EHMT1: variants seen among roughly 807,000 people sequenced by gnomAD.
The protein encoded by EHMT1 is euchromatic histone lysine methyltransferase 1.
Under a neutral mutation model 147.2 loss-of-function variants are expected in EHMT1, and 15 were observed. That is an observed-to-expected ratio of 0.10 (90% CI 0.07 to 0.16). The LOEUF (loss-of-function observed/expected upper bound fraction) is 0.16, where lower values mean the gene tolerates loss of function less well. Ranked by LOEUF, EHMT1 falls within the 10% of genes least tolerant of loss-of-function variation. The pLI, the probability that EHMT1 is intolerant of heterozygous loss-of-function variation, is 1.00. For synonymous variants in EHMT1, 795 were observed against 709.6 expected (o/e 1.12, Z -1.91); for missense variants, 1,587 against 1,772.4 (o/e 0.90, Z 1.88).
At chr9:137,769,549 A>G (rs537907045) in intron 10 of EHMT1, among the ~76,000 whole-genome samples, 1 of 151,944 alleles carries the variant, frequency 6.6e-6, no homozygotes, top group African/African-American at 2.4e-5. Flanking sequence ...GCCCTTAAAG[A>G]GGTTACTCGA....
chr9:137,729,412 C>T (rs1422161412), intron 4 of EHMT1, among the ~76,000 whole-genome samples: 1 of 152,068 alleles, frequency 6.6e-6, no homozygotes, highest in African/African-American at 2.4e-5. Context: ...CACGGTGAAA[C>T]CCCGTCTATA....
At position 137,834,847 on chromosome 9, in the gene EHMT1, G is replaced by A. The variant is rs545700329; in HGVS notation, c.3791G>A (p.Arg1264Gln). Residue 1264 changes from arginine (R) to glutamine (Q), a missense_variant, in exon 27 of 27, where the codon CGG (arginine) becomes CAG (glutamine). By Grantham distance (43) the Arg-to-Gln change is conservative. This residue lies in a region of EHMT1 where 141 missense variants were observed against 150.8 expected (regional missense o/e 0.94). Coordinates refer to ENST00000460843, the MANE Select transcript of EHMT1 (RefSeq NM_024757.5). ...FSCRCGSPKC[R>Q]HSSAALAQRQ... Reference sequence around the variant, plus strand: ...TGCCGCTGCGGCTCCCCCAAGTGCCGGCACTCGAGCGCGGCCCTGGCCCAG... The same window carrying A: ...TGCCGCTGCGGCTCCCCCAAGTGCCAGCACTCGAGCGCGGCCCTGGCCCAG... 41 of 1,612,308 alleles carry A rather than the reference G, an allele frequency of 2.5e-5. No individual in the cohort carries two copies. The South Asian group carries it at 3.0e-4, about 12-fold the overall frequency.
At chr9:137,714,679 A>G (rs990867462) in intron 2 of EHMT1, among the ~76,000 whole-genome samples, 13 of 150,540 alleles carry the variant, frequency 8.6e-5, no homozygotes. Context: ...CAGCCTCCTG[A>G]GTATCTGGGA....
chr9:137,684,939 C>T (rs1942298253), intron 1 of EHMT1, among the ~76,000 whole-genome samples: 1 of 152,124 alleles, frequency 6.6e-6, no homozygotes, highest in South Asian at 2.1e-4. Context: ...ACTGCATATA[C>T]ATTGTATTTT....
At chr9:137,777,073 G>A (rs1191120026) in intron 12 of EHMT1, 14 of 519,824 alleles carry the variant, frequency 2.7e-5, no homozygotes, top group African/African-American at 1.3e-4. Flanking sequence ...GTTTTGAACC[G>A]GTTTTCACAG....
intron 1 of EHMT1, among the ~76,000 whole-genome samples, chr9:137,705,527 G>A (rs922867360): frequency 1.3e-5 from 2 of 152,206 alleles, no homozygotes; most frequent in African/African-American, 4.8e-5. Context: ...CTTACCCACC[G>A]TCCTGGTGTG....
rs1588289833 is a variant in EHMT1 at position 137,710,986 on chromosome 9, A to G, written c.41A>G (p.Glu14Gly). ...ADAEAVPARG[E>G]PQQDCCVKTE... Reference sequence around the variant, plus strand: ...TAACAGGCAGTTCCGGCGAGGGGGGAGCCTCAGCAGGATTGCTGTGTGAAA... The same window carrying G: ...TAACAGGCAGTTCCGGCGAGGGGGGGGCCTCAGCAGGATTGCTGTGTGAAA... Residue 14 changes from glutamate to glycine, a missense_variant, in exon 2 of 27, where the codon GAG becomes GGG. Glu to Gly is a moderately conservative substitution (Grantham distance 98, BLOSUM62 -2). This residue lies in a region of EHMT1 where 810 missense variants were observed against 673.0 expected (regional missense o/e 1.20). Coordinates refer to ENST00000460843, the MANE Select transcript of EHMT1 (RefSeq NM_024757.5). 6.3e-7 allele frequency: 1 copy of G among 1,597,594 alleles called. No homozygotes were observed. Among genetic ancestry groups the G allele is most frequent in the South Asian group, 1.1e-5 (1 of 87,754 alleles).
intron 1 of EHMT1, among the ~76,000 whole-genome samples, chr9:137,691,334 T>A (rs990501284): frequency 6.7e-6 from 1 of 149,456 alleles, no homozygotes; most frequent in Non-Finnish European, 1.5e-5. Flanking sequence ...TAAAATATAT[T>A]TTTTTTTCTT....
chr9:137,788,332 G>A (rs61746521), intron 15 of EHMT1: 4,312 of 381,348 alleles, frequency 0.011, 179 homozygotes, highest in African/African-American at 0.079. Flanking sequence ...AGGGGGCCCA[G>A]GACGTTGGCG....
chr9:137,714,595 C>T (rs938574687), intron 2 of EHMT1, among the ~76,000 whole-genome samples: 4 of 147,866 alleles, frequency 2.7e-5, no homozygotes, highest in Admixed American at 6.8e-5. Context: ...ACCTGTCACC[C>T]AGGCTGGAGT....
intron 16 of EHMT1, among the ~76,000 whole-genome samples, chr9:137,795,421 A>T (rs867264870): frequency 7.2e-4 from 48 of 67,088 alleles, no homozygotes; most frequent in African/African-American, 2.3e-3. Context: ...ACACACACAC[A>T]CACACACTCT....
intron 18 of EHMT1, among the ~76,000 whole-genome samples, chr9:137,804,133 T>A (rs987260172): frequency 3.9e-5 from 6 of 152,142 alleles, no homozygotes; most frequent in Admixed American, 6.5e-5. Context: ...CTCACTCACA[T>A]GAGAACAGCA....
intron 1 of EHMT1, among the ~76,000 whole-genome samples, chr9:137,632,803 A>G (rs1843718527): frequency 6.6e-6 from 1 of 152,210 alleles, no homozygotes; most frequent in Non-Finnish European, 1.5e-5. Context: ...ATTCCTGGGT[A>G]TAGCATCACA....
intron 14 of EHMT1, among the ~76,000 whole-genome samples, chr9:137,780,008 G>A (rs1459954590): frequency 1.3e-5 from 2 of 152,242 alleles, no homozygotes. Flanking sequence ...TTAAGGAAAA[G>A]CAAAACTAGT....
At chr9:137,675,037 T>G (rs189311007) in intron 1 of EHMT1, 3 of 152,216 alleles carry the variant, frequency 2.0e-5, no homozygotes, top group Admixed American at 2.0e-4. Context: ...ACTTAAAAAA[T>G]TAAAAAAAAA....
chr9:137,680,903 A>T (rs549811863), intron 1 of EHMT1: 1 of 152,450 alleles, frequency 6.6e-6, no homozygotes, highest in Non-Finnish European at 1.5e-5. Context: ...GCTCGTGGTG[A>T]TCTGGCCCCC....
chr9:137,775,234 T>C lies in EHMT1; in HGVS notation c.1773T>C (p.Cys591=). ...TGAAGCACCAGTGCTGTCCTGGCTG[T>C]GGCTACTTCTGCACAGCGGTAAGAG... is the stretch of plus-strand genomic sequence containing the variant. ...RMVKHQCCPG[C]GYFCTAGNFM... The change falls in exon 11 of 27, where the codon TGT becomes TGC. Residue 591 remains cysteine (C), a synonymous_variant. Transcript: ENST00000460843. This position sits in a 1 kb window ranked among gnomAD's most constrained non-coding sequence, Gnocchi z 6.1. 2 of 1,612,286 alleles carry C rather than the reference T, an allele frequency of 1.2e-6. No homozygotes were observed. Among genetic ancestry groups the C allele is most frequent in the Non-Finnish European group, 1.7e-6 (2 of 1,179,966 alleles).
At chr9:137,832,123 T>C (rs1386544002) in intron 25 of EHMT1, among the ~76,000 whole-genome samples, 2 of 145,692 alleles carry the variant, frequency 1.4e-5, no homozygotes, top group Non-Finnish European at 3.0e-5. Context: ...CTGGGCTCCC[T>C]CCGCAGAACC....
intron 10 of EHMT1, among the ~76,000 whole-genome samples, chr9:137,768,434 A>G (rs1015607383): frequency 1.4e-5 from 2 of 145,970 alleles, no homozygotes; most frequent in African/African-American, 5.1e-5. Context: ...GCTCACTGCA[A>G]TCGCTGCCTC....
Sources: allele counts gnomAD v4.1 joint callset (sites outside exome capture counted in the v4.1 genomes callset), GRCh38; gene constraint gnomAD v4.1.1; regional missense constraint gnomAD v4.1.1; non-coding constraint Gnocchi (gnomAD v3.1); transcripts MANE v1.5; gene names NCBI Gene and HGNC (gene_info 2026-07-23, HGNC 2026-07-21).